Variants in WWP1 observed in about 807,000 individuals in gnomAD.
WWP1 encodes the protein WW domain containing E3 ubiquitin protein ligase 1.
In WWP1, 49 loss-of-function variants were observed where a neutral mutation model predicts 130.6. That is an observed-to-expected ratio of 0.38 (90% CI 0.30 to 0.48). The LOEUF (loss-of-function observed/expected upper bound fraction) is 0.48, where lower values mean the gene tolerates loss of function less well. Ranked by LOEUF, WWP1 falls within the 20% of genes least tolerant of loss-of-function variation. The probability of loss-of-function intolerance (pLI) is 0.99; values close to 1 mark genes in which losing one functional copy is unlikely to be tolerated. For missense variants in WWP1, 809 were observed against 1,100.6 expected, an observed-to-expected ratio of 0.74 and a Z score of 3.75; for synonymous variants, 332 against 367.8, an observed-to-expected ratio of 0.90 and a Z score of 1.11.
intron 3 of WWP1, among the ~76,000 whole-genome samples, chr8:86,378,768 G>A (rs1824815579): frequency 6.6e-6 from 1 of 152,080 alleles, no homozygotes. Flanking sequence ...TGCCAAGTAA[G>A]GGTATTCAGT....
rs1368517360 is a variant in WWP1 at position 86,431,608 on chromosome 8, C to G, written c.1473-7C>G. ...GTTCATCTTGTGATTTTAACTTTATCTTTTAGCTTACAGAATGAAGAACCC... is the reference window on the plus strand; with the variant it reads ...GTTCATCTTGTGATTTTAACTTTATGTTTTAGCTTACAGAATGAAGAACCC... On this transcript the variant is annotated splice_polypyrimidine_tract_variant and splice_region_variant and intron_variant, in intron 13 of 24. Transcript: ENST00000517970. 1 of 1,613,016 alleles carries G rather than the reference C, an allele frequency of 6.2e-7. No individual in the cohort carries two copies. Among genetic ancestry groups the G allele is most frequent in the Admixed American group, 1.7e-5 (1 of 59,834 alleles).
Position 86,467,852 on chromosome 8 carries a change from CTAATA to C in WWP1, c.*963_*967del, listed in dbSNP as rs1812259641. Reference sequence around the variant, plus strand: ...AGAGTTACATAAGCATTTGAATGCTCTAATATAAGGCTAATGATTTTCTGTTAGTG... The same window carrying C: ...AGAGTTACATAAGCATTTGAATGCTCTAAGGCTAATGATTTTCTGTTAGTG... On this transcript the variant is annotated 3_prime_UTR_variant, in exon 25 of 25. Coordinates refer to ENST00000517970, the MANE Select transcript of WWP1 (RefSeq NM_007013.4). 2 of 152,216 alleles carry C rather than the reference CTAATA, an allele frequency of 1.3e-5. No homozygotes were observed. Among genetic ancestry groups the C allele is most frequent in the Non-Finnish European group, 2.9e-5 (2 of 68,064 alleles). The allele number at this position is 152,216 out of a possible 1,614,324, so 9.4% of individuals were successfully genotyped here.
intron 2 of WWP1, among the ~76,000 whole-genome samples, chr8:86,373,473 G>C (rs985211083): frequency 3.3e-5 from 5 of 151,954 alleles, no homozygotes; most frequent in Non-Finnish European, 7.4e-5. Context: ...TGTATTTTGA[G>C]GCTTCCCACC....
chr8:86,421,829 A>C (rs1192591636), intron 9 of WWP1, among the ~76,000 whole-genome samples: 1 of 152,174 alleles, frequency 6.6e-6, no homozygotes, highest in Non-Finnish European at 1.5e-5. Flanking sequence ...TCTCAAAAAA[A>C]AAAAATTTTT....
chr8:86,352,525 T>A (rs554880375), intron 1 of WWP1, among the ~76,000 whole-genome samples: 3 of 152,074 alleles, frequency 2.0e-5, no homozygotes, highest in Non-Finnish European at 2.9e-5. Flanking sequence ...CACCGTGCCC[T>A]GCCTAATTTT....
chr8:86,423,427 T>G (rs1809346486), intron 9 of WWP1, among the ~76,000 whole-genome samples: 1 of 152,104 alleles, frequency 6.6e-6, no homozygotes, highest in Admixed American at 6.5e-5. Context: ...GTGATGACTC[T>G]TAAGGAGTAT....
chr8:86,401,413 A>G (rs1807971815), intron 7 of WWP1, among the ~76,000 whole-genome samples: 2 of 152,066 alleles, frequency 1.3e-5, no homozygotes, highest in African/African-American at 4.8e-5. Flanking sequence ...TTAAAAAATT[A>G]GCTGGGCACT....
Position 86,389,743 on chromosome 8 carries a change from G to GC in WWP1, c.334+8121dup, listed in dbSNP as rs1163861789. ...CCAGACGGGGCGGCCGGGCAGAGGC[G>GC]CCCCCCCACCCACCTCCCGGATGGG... is the stretch of plus-strand genomic sequence containing the variant. On this transcript the variant is annotated intron_variant, in intron 5 of 24. Transcript: ENST00000517970. Among the ~76,000 whole-genome samples, 122 of 151,518 alleles carry GC rather than the reference G, an allele frequency of 8.1e-4. 1 individual carries two copies. The highest frequency in any genetic ancestry group is 5.9e-3 in the Admixed American group (90 of 15,258).
intron 7 of WWP1, among the ~76,000 whole-genome samples, chr8:86,398,904 C>G (rs951892384): frequency 2.0e-5 from 3 of 152,108 alleles, no homozygotes; most frequent in African/African-American, 7.2e-5. Context: ...GTTACCTTCT[C>G]TACTGTCTGA....
At chr8:86,385,209 A>G (rs1825208878) in intron 5 of WWP1, among the ~76,000 whole-genome samples, 1 of 152,106 alleles carries the variant, frequency 6.6e-6, no homozygotes, top group South Asian at 2.1e-4. Flanking sequence ...CTATATAGAA[A>G]ATGTTTGATA....
At chr8:86,436,204 A>T (rs951738013) in intron 16 of WWP1, among the ~76,000 whole-genome samples, 4 of 152,230 alleles carry the variant, frequency 2.6e-5, no homozygotes, top group African/African-American at 9.6e-5. Context: ...TGTATTTACT[A>T]AAATAAAGCT....
At chr8:86,369,990 T>G (rs1319329969) in intron 2 of WWP1, among the ~76,000 whole-genome samples, 2 of 152,194 alleles carry the variant, frequency 1.3e-5, no homozygotes, top group Non-Finnish European at 2.9e-5. Context: ...GGGAACCAAC[T>G]GCTCAGCTGA....
intron 10 of WWP1, among the ~76,000 whole-genome samples, chr8:86,426,507 G>T (rs573315469): frequency 6.6e-6 from 1 of 152,208 alleles, no homozygotes; most frequent in Non-Finnish European, 1.5e-5. Context: ...AATTCTGGTT[G>T]GTAGAGAAAT....
intron 3 of WWP1, among the ~76,000 whole-genome samples, chr8:86,376,605 A>T (rs1258824390): frequency 6.6e-6 from 1 of 151,934 alleles, no homozygotes; most frequent in South Asian, 2.1e-4. Flanking sequence ...AAAAAGAAAA[A>T]CCTGATCTGG....
chr8:86,399,207 A>G (rs377442089), intron 7 of WWP1, among the ~76,000 whole-genome samples: 1 of 152,172 alleles, frequency 6.6e-6, no homozygotes, highest in African/African-American at 2.4e-5. Flanking sequence ...GATACTATGG[A>G]TAAATAGGTA....
intron 14 of WWP1, among the ~76,000 whole-genome samples, chr8:86,434,697 A>T (rs1402942663): frequency 6.6e-6 from 1 of 152,146 alleles, no homozygotes; most frequent in Non-Finnish European, 1.5e-5. Context: ...CAAAACAGGC[A>T]TTTTTACCTA....
At chr8:86,424,267 C>T (rs1369843625) in intron 9 of WWP1, among the ~76,000 whole-genome samples, 1 of 151,644 alleles carries the variant, frequency 6.6e-6, no homozygotes. Flanking sequence ...CAGAGACACT[C>T]CTCACTTCCT....
intron 8 of WWP1, among the ~76,000 whole-genome samples, chr8:86,410,618 G>C (rs1380261536): frequency 6.6e-6 from 1 of 151,626 alleles, no homozygotes; most frequent in Non-Finnish European, 1.5e-5. Flanking sequence ...TATATTTTCA[G>C]TAAGTTCTGG....
chr8:86,363,552 A>G (rs1823790411), intron 1 of WWP1, among the ~76,000 whole-genome samples: 1 of 152,090 alleles, frequency 6.6e-6, no homozygotes, highest in Admixed American at 6.5e-5. Context: ...CTGTAATCCC[A>G]GCACTTTGGG....
Sources: gnomAD v4.1 joint callset for allele counts (sites outside exome capture counted in the v4.1 genomes callset) on GRCh38, gnomAD v4.1.1 for gene constraint, MANE v1.5 for transcripts, NCBI Gene and HGNC (gene_info 2026-07-23, HGNC 2026-07-21) for gene names.